The following GANAB variants were observed in gnomAD, a reference collection of about 807,000 sequenced individuals.
The protein encoded by GANAB is glucosidase II alpha subunit.
GANAB carries 35 observed loss-of-function variants against 129.9 expected under a neutral mutation model. The ratio of observed to expected loss-of-function variants is 0.27; its 90% confidence interval spans 0.21 to 0.36. The LOEUF is 0.36. GANAB is among the 10% of genes least tolerant of loss of function. The pLI is 1.00. For missense variants in GANAB, 939 were observed against 1,221.0 expected, an observed-to-expected ratio of 0.77 and a Z score of 3.44; for synonymous variants, 482 against 451.8, an observed-to-expected ratio of 1.07 and a Z score of -0.85.
At chr11:62,638,735 C>A (rs1398853813) in intron 4 of GANAB, among the ~76,000 whole-genome samples, 1 of 152,048 alleles carries the variant, frequency 6.6e-6, no homozygotes, top group African/African-American at 2.4e-5. Context: ...GCTTATATAA[C>A]CAGCATCCAG....
chr11:62,627,121 T>G lies in GANAB; in HGVS notation c.2249A>C (p.Asp750Ala). 6.2e-7 allele frequency: 1 copy of G among 1,612,956 alleles called. No homozygotes were observed. Among genetic ancestry groups the G allele is most frequent in the Non-Finnish European group, 8.5e-7 (1 of 1,178,978 alleles). ...FNIDDQYLLG[D>A]ALLVHPVSDS... Reference sequence around the variant, plus strand: ...TGATACAGGGTGAACCAGCAACGCATCCCCTAAAATATGCCAGAATCAACT... The same window carrying G: ...TGATACAGGGTGAACCAGCAACGCAGCCCCTAAAATATGCCAGAATCAACT... Residue 750 changes from aspartate to alanine, a missense_variant, in exon 19 of 24, where the codon GAT becomes GCT. Asp to Ala is a moderately radical substitution (Grantham distance 126). Coordinates refer to ENST00000356638, the MANE Select transcript of GANAB (RefSeq NM_198334.3).
chr11:62,646,041 G>T (rs1035359005), intron 1 of GANAB, among the ~76,000 whole-genome samples: 2 of 152,196 alleles, frequency 1.3e-5, no homozygotes, highest in Admixed American at 6.5e-5. Context: ...CGTGGACACT[G>T]AACTAAGCCA....
chr11:62,635,019 G>C lies in GANAB; in HGVS notation c.381-19C>G, dbSNP rs372911895. On this transcript the variant is annotated intron_variant, in intron 4 of 23. Transcript: ENST00000356638. ...AGAAAGCCTGGGAAACATATCAAAA[G>C]AAATATAAGGAAGTACAAAGGGCCA... The C allele has an allele frequency of 6.3e-7, 1 of 1,588,578 alleles. No homozygotes were observed. Among genetic ancestry groups the C allele is most frequent in the Non-Finnish European group, 8.6e-7 (1 of 1,158,658 alleles).
At position 62,626,070 on chromosome 11, in the gene GANAB, G is replaced by A; in HGVS notation, c.2720C>T (p.Thr907Ile). The A allele has an allele frequency of 1.9e-6, 3 of 1,610,360 alleles. No individual in the cohort carries two copies. The highest frequency in any genetic ancestry group is 1.1e-5 in the South Asian group (1 of 91,012). ...AGKPAAVVLQ[T>I]KGSPESRLSF... ...GGGCCAGATTGGTCACTCACCTTTTGTCTGGAGTACCACAGCTGCTGGCTT... is the reference window on the plus strand; with the variant it reads ...GGGCCAGATTGGTCACTCACCTTTTATCTGGAGTACCACAGCTGCTGGCTT... The change falls in exon 23 of 24, where the codon ACA becomes ATA. Residue 907 changes from threonine (T) to isoleucine (I), a missense_variant. Around this residue, in one of 5 missense-constraint regions of GANAB, gnomAD observed 230 missense variants for 259.9 expected, o/e 0.89. Transcript: ENST00000356638.
At chr11:62,629,563 C>A in intron 15 of GANAB, 25 bp downstream of exon 15, 1 of 1,506,742 alleles carries the variant, frequency 6.6e-7, no homozygotes, top group South Asian at 1.2e-5. Context: ...ACCCTTCTGC[C>A]ACAGCTCCAT....
At position 62,635,008 on chromosome 11, in the gene GANAB, A is replaced by C. The variant is rs1329692622; in HGVS notation, c.381-8T>G. 1 of 1,604,176 alleles carries C rather than the reference A, an allele frequency of 6.2e-7. No individual in the cohort carries two copies. The highest frequency in any genetic ancestry group is 1.7e-5 in the Admixed American group (1 of 59,578). On this transcript the variant is annotated splice_region_variant and splice_polypyrimidine_tract_variant and intron_variant, in intron 4 of 23. Coordinates refer to ENST00000356638, the MANE Select transcript of GANAB (RefSeq NM_198334.3). Reference sequence around the variant, plus strand: ...CGACCAGAGACAGAAAGCCTGGGAAACATATCAAAAGAAATATAAGGAAGT... The same window carrying C: ...CGACCAGAGACAGAAAGCCTGGGAACCATATCAAAAGAAATATAAGGAAGT...
Position 62,633,478 on chromosome 11 carries a change from G to A in GANAB, c.597C>T (p.Ala199=), listed in dbSNP as rs1943788448. 2 of 1,614,034 alleles carry A rather than the reference G, an allele frequency of 1.2e-6. No homozygotes were observed. Among genetic ancestry groups the A allele is most frequent in the Non-Finnish European group, 1.7e-6 (2 of 1,180,016 alleles). The change falls in exon 6 of 24, where the codon GCC becomes GCT. Residue 199 remains alanine (A), a synonymous_variant. Coordinates refer to ENST00000356638, the MANE Select transcript of GANAB (RefSeq NM_198334.3). The part of the protein sequence containing the change: ...GSKDPAEGDG[A]QPEETPRDGD... ...CATCCCTGGGTGTTTCCTCAGGCTG[G>A]GCCCCATCGCCCTCAGCTGGGTCTT...
chr11:62,632,405 C>T (rs965349638), intron 9 of GANAB, among the ~76,000 whole-genome samples, 160 bp downstream of exon 9: 1 of 152,162 alleles, frequency 6.6e-6, no homozygotes, highest in Non-Finnish European at 1.5e-5. Flanking sequence ...TGTGAGTGAG[C>T]GTGTCACCTG....
intron 5 of GANAB, chr11:62,634,167 G>GT: frequency 1.6e-6 from 1 of 617,980 alleles, no homozygotes; most frequent in Non-Finnish European, 2.9e-6. Context: ...AGGGTAACAG[G>GT]TAACAGGACC....
In GANAB at chr11:62,634,291, C is replaced by T. The variant is rs764272956; in HGVS notation, c.560+530G>A. The T allele has an allele frequency of 2.6e-6, 4 of 1,525,862 alleles. No individual in the cohort carries two copies. In the Admixed American group the frequency reaches 5.0e-5, roughly 19 times the overall value. 94.5% of individuals were successfully genotyped at this position (1,525,862 alleles called of 1,614,324 possible). On this transcript the variant is annotated intron_variant, in intron 5 of 23. Coordinates refer to ENST00000356638, the MANE Select transcript of GANAB (RefSeq NM_198334.3). ...TAAGGGCAGAGGAACAGATACAGTA[C>T]CGGTGGCCATGGATTTACCTAGAGA... is the stretch of plus-strand genomic sequence containing the variant.
rs765805378 is a variant in GANAB at position 62,628,907 on chromosome 11, G to A, written c.2042C>T (p.Thr681Ile). 6.2e-7 allele frequency: 1 copy of A among 1,614,116 alleles called. No homozygotes were observed. Among genetic ancestry groups the A allele is most frequent in the Admixed American group, 1.7e-5 (1 of 60,022 alleles). ...PFFRAHAHLD[T>I]GRREPWLLPS... The stretch of plus-strand genomic sequence containing the variant: ...TAACAGCCATGGCTCTCGTCGCCCA[G>A]TGTCCAAGTGGGCATGTGCCCGGAA... Residue 681 changes from threonine (T) to isoleucine (I), a missense_variant, in exon 17 of 24, where the codon ACT (threonine) becomes ATT (isoleucine). Transcript: ENST00000356638.
chr11:62,626,847 CAG>C lies in GANAB; in HGVS notation c.2397+11_2397+12del. The C allele has an allele frequency of 6.3e-7, 1 of 1,595,206 alleles. No homozygotes were observed. Among genetic ancestry groups the C allele is most frequent in the Non-Finnish European group, 8.6e-7 (1 of 1,164,072 alleles). On this transcript the variant is annotated intron_variant, in intron 20 of 23. Coordinates refer to ENST00000356638, the MANE Select transcript of GANAB (RefSeq NM_198334.3). ...AGGGAGATGGAACCGGCAGCCAGAC[CAG>C]GCTTACTCACACTGCTTAGAGTTAC...
chr11:62,644,801 C>T (rs1274200212), intron 1 of GANAB, among the ~76,000 whole-genome samples: 3 of 152,006 alleles, frequency 2.0e-5, no homozygotes, highest in African/African-American at 7.3e-5. Flanking sequence ...CCATCCTAGG[C>T]AACAGAGCGA....
chr11:62,632,826 G>T, intron 8 of GANAB, 81 bp from the exon 9 acceptor site: 1 of 1,181,146 alleles, frequency 8.5e-7, no homozygotes, highest in Non-Finnish European at 1.2e-6. Context: ...AGACACAGGT[G>T]AGAGATAAGC....
chr11:62,626,130 A>T lies in GANAB; in HGVS notation c.2660T>A (p.Ile887Asn). 1 of 1,613,932 alleles carries T rather than the reference A, an allele frequency of 6.2e-7. No homozygotes were observed. Among genetic ancestry groups the T allele is most frequent in the Admixed American group, 1.7e-5 (1 of 60,018 alleles). Residue 887 changes from isoleucine to asparagine, a missense_variant, in exon 23 of 24, where the codon ATC (isoleucine) becomes AAC (asparagine). By Grantham distance (149) the Ile-to-Asn change is moderately radical. Transcript: ENST00000356638. ...TATTATCACCACCCGCTCAATCCAG[A>T]TTGGTGTCTCAAAGTGTCCTTCAGG... The part of the protein sequence containing the change: ...ADPEGHFETP[I>N]WIERVVIIGA...
chr11:62,631,312 T>A, intron 9 of GANAB, 129 bp from the exon 10 acceptor site: 1 of 746,496 alleles, frequency 1.3e-6, no homozygotes, highest in Non-Finnish European at 2.2e-6. Flanking sequence ...TCGGTAAGAC[T>A]AAACGGGGCC....
rs1368678661 is a variant in GANAB at position 62,627,110 on chromosome 11, C to T, written c.2260G>A (p.Val754Ile). The T allele has an allele frequency of 3.7e-6, 6 of 1,613,638 alleles. No homozygotes were observed. The highest frequency in any genetic ancestry group is 5.1e-6 in the Non-Finnish European group (6 of 1,179,584). Residue 754 changes from valine (V) to isoleucine (I), a missense_variant, in exon 19 of 24, where the codon GTT (valine) becomes ATT (isoleucine). By Grantham distance (29) the Val-to-Ile change is conservative. Transcript: ENST00000356638. Reference sequence around the variant, plus strand: ...GCTCCAGAGTCTGATACAGGGTGAACCAGCAACGCATCCCCTAAAATATGC... The same window carrying T: ...GCTCCAGAGTCTGATACAGGGTGAATCAGCAACGCATCCCCTAAAATATGC... ...DQYLLGDALL[V>I]HPVSDSGAHG...
At chr11:62,627,153 AG>A in intron 18 of GANAB, 29 bp from the exon 19 acceptor site, 1 of 1,581,132 alleles carries the variant, frequency 6.3e-7, no homozygotes. Flanking sequence ...AACTCTGAAT[AG>A]GGGGATTAGT....
chr11:62,633,311 G>C (rs1943780709), intron 6 of GANAB, 40 bp from the exon 7 acceptor site: 2 of 1,567,670 alleles, frequency 1.3e-6, no homozygotes, highest in African/African-American at 1.4e-5. Context: ...AATCATACCA[G>C]TTCTCTCTTT....
Sources: allele counts gnomAD v4.1 joint callset (sites outside exome capture counted in the v4.1 genomes callset), GRCh38; gene constraint gnomAD v4.1.1; regional missense constraint gnomAD v4.1.1; transcripts MANE v1.5; gene names NCBI Gene and HGNC (gene_info 2026-07-23, HGNC 2026-07-21).